KDM5C: variants seen among roughly 807,000 people sequenced by gnomAD.
The protein encoded by KDM5C is lysine-specific demethylase 5C.
A neutral mutation model predicts 110.6 loss-of-function variants in KDM5C; 16 were observed. That is an observed-to-expected ratio of 0.14 (90% CI 0.10 to 0.22). The LOEUF (loss-of-function observed/expected upper bound fraction) is 0.22. KDM5C is among the 10% of genes least tolerant of loss of function. The pLI, the probability that KDM5C is intolerant of heterozygous loss-of-function variation, is 1.00. For synonymous variants in KDM5C, 511 were observed against 520.4 expected (o/e 0.98, Z 0.24); for missense variants, 681 against 1,300.9 (o/e 0.52, Z 7.33).
In KDM5C at chrX:53,192,871, C is replaced by CCCCCCCCCCCCCCCCCCCCAAA; in HGVS notation, c.*95_*96insTTTGGGGGGGGGGGGGGGGGGG. 1.5e-6 allele frequency: 1 copy of CCCCCCCCCCCCCCCCCCCCAAA among 666,329 alleles called. No homozygotes were observed. The highest frequency in any genetic ancestry group is 2.1e-6 in the Non-Finnish European group (1 of 486,579). The allele number at this position is 666,329 out of a possible 1,213,427, so 54.9% of individuals were successfully genotyped here. ...GTAGCAGGGATGGCCACCCCCCTAC[C>CCCCCCCCCCCCCCCCCCCCAAA]CGCCCACCCCCCAAGAAGCAGGCTT... On this transcript the variant is annotated 3_prime_UTR_variant, in exon 26 of 26. Transcript: ENST00000375401.
Position 53,192,704 on chromosome X carries a change from C to CATCT in KDM5C, c.*259_*262dup, listed in dbSNP as rs1225443658. 1.9e-5 allele frequency: 22 copies of CATCT among 1,152,277 alleles called. No individual in the cohort carries two copies. Among genetic ancestry groups the CATCT allele is most frequent in the Non-Finnish European group, 2.5e-5 (22 of 863,818 alleles). 95.0% of individuals were successfully genotyped at this position (1,152,277 alleles called of 1,213,427 possible). A position where few individuals can be genotyped will look rare whatever the true frequency, so the allele number is the denominator to read the frequency against. On this transcript the variant is annotated 3_prime_UTR_variant, in exon 26 of 26. Coordinates refer to ENST00000375401, the MANE Select transcript of KDM5C (RefSeq NM_004187.5). The stretch of plus-strand genomic sequence containing the variant: ...CCACCCCCCTGCCCACCAGCCCATC[C>CATCT]ATCTATCTGCCTCAGGTGTCTGGGA...
chrX:53,187,032 T>C (rs1934239235), downstream of KDM5C, among the ~76,000 whole-genome samples: 1 of 112,046 alleles, frequency 8.9e-6, no homozygotes, highest in African/African-American at 3.2e-5. Context: ...AGGTGTCCTG[T>C]TCTGTGATGT....
chrX:53,190,683 T>TA (rs1328498961), downstream of KDM5C, among the ~76,000 whole-genome samples: 1 of 111,636 alleles, frequency 9.0e-6, no homozygotes, highest in African/African-American at 3.3e-5. Context: ...TCTCTCTCCT[T>TA]ACTTGTATAG....
intron 2 of KDM5C, 137 bp from the exon 3 acceptor site, chrX:53,218,535 C>T: frequency 1.3e-6 from 1 of 747,114 alleles, no homozygotes. Flanking sequence ...TGAACCGGAT[C>T]CCAGACTCTA....
Position 53,195,997 on chromosome X carries a change from A to G in KDM5C, c.3039T>C (p.Pro1013=), listed in dbSNP as rs1556836436. Residue 1013 remains proline, a synonymous_variant, in exon 20 of 26, where the codon CCT becomes CCC. Transcript: ENST00000375401. The stretch of plus-strand genomic sequence containing the variant: ...GAGCCTGGATGTTGGGCAGGTGAAC[A>G]GGGATGTTTTCCGCTTCACGGATTA... The part of the protein sequence containing the change: ...EAIIREAENI[P]VHLPNIQALK... The G allele has an allele frequency of 5.0e-6, 6 of 1,211,776 alleles. No individual in the cohort carries two copies. The highest frequency in any genetic ancestry group is 6.7e-6 in the Non-Finnish European group (6 of 895,239).
rs782738354 is a variant in KDM5C at position 53,217,909 on chromosome X, C to T, written c.409G>A (p.Val137Ile). 1.7e-6 allele frequency: 2 copies of T among 1,210,404 alleles called. No individual in the cohort carries two copies. Among genetic ancestry groups the T allele is most frequent in the Admixed American group, 4.3e-5 (2 of 46,018 alleles). Residue 137 changes from valine to isoleucine, a missense_variant, in exon 4 of 26, where the codon GTA becomes ATA. Transcript: ENST00000375401. Reference sequence around the variant, plus strand: ...GGTGGATAGTTGAGGCGCTGGGCTACCCGAGCCCACCGACGGTCCTTGCAG... The same window carrying T: ...GGTGGATAGTTGAGGCGCTGGGCTATCCGAGCCCACCGACGGTCCTTGCAG... ...AICKDRRWARVAQRLNYPPGK... is the reference protein window; with the variant it reads ...AICKDRRWARIAQRLNYPPGK...
chrX:53,205,626 A>G (rs1199085120), intron 12 of KDM5C, among the ~76,000 whole-genome samples: 4 of 112,288 alleles, frequency 3.6e-5, no homozygotes, highest in African/African-American at 1.3e-4. Flanking sequence ...CACTGCTCCT[A>G]CAAAACCTTT....
rs1556833839 is a variant in KDM5C, at chrX:53,194,214, A to G, written c.3963T>C (p.Pro1321=). 8.3e-7 allele frequency: 1 copy of G among 1,210,158 alleles called. No individual in the cohort carries two copies. The highest frequency in any genetic ancestry group is 1.7e-5 in the African/African-American group (1 of 57,426). ...LRQRLQAEPR[P]EEPPNYPAAP... is the part of the protein sequence containing the mutation. ...CTGCAGGGTAGTTAGGAGGCTCCTC[A>G]GGTCTAGGTTCAGCCTGTAGCCGTT... is the stretch of plus-strand genomic sequence containing the variant. Residue 1321 remains proline (P), a synonymous_variant, in exon 23 of 26, where the codon CCT becomes CCC. Coordinates refer to ENST00000375401, the MANE Select transcript of KDM5C (RefSeq NM_004187.5).
At chrX:53,206,016 T>C (rs1556845013) in intron 12 of KDM5C, among the ~76,000 whole-genome samples, 1 of 112,343 alleles carries the variant, frequency 8.9e-6, no homozygotes, top group Non-Finnish European at 1.9e-5. Context: ...AATGTCACTT[T>C]ACTATTTCCT....
chrX:53,218,706 G>T (rs2073817742), intron 2 of KDM5C: 1 of 391,251 alleles, frequency 2.6e-6, no homozygotes, highest in African/African-American at 2.5e-5. Context: ...CTCCTGAGTA[G>T]CTGGAACTAT....
intron 1 of KDM5C, among the ~76,000 whole-genome samples, chrX:53,222,117 C>T (rs1376092476): frequency 1.8e-5 from 2 of 111,085 alleles, no homozygotes; most frequent in African/African-American, 6.6e-5. Flanking sequence ...CAAGAACCCA[C>T]GTCTTCTGAC....
chrX:53,200,387 G>A (rs1397067753), intron 14 of KDM5C, among the ~76,000 whole-genome samples: 1 of 111,636 alleles, frequency 9.0e-6, no homozygotes, highest in African/African-American at 3.3e-5. Flanking sequence ...AGACTATGGT[G>A]TCCAGAATGC....
At chrX:53,195,208 T>C (rs368155745) in intron 21 of KDM5C, 23 bp downstream of exon 21, 11 of 1,191,790 alleles carry the variant, frequency 9.2e-6, no homozygotes, top group Non-Finnish European at 1.1e-5. Flanking sequence ...AGAGACGCTG[T>C]AGGTCAAGGT....
chrX:53,220,787 G>T, intron 2 of KDM5C, 52 bp downstream of exon 2: 2 of 1,010,938 alleles, frequency 2.0e-6, no homozygotes, highest in Non-Finnish European at 2.8e-6. Context: ...AGTGGGATTA[G>T]AACTCAGGTA....
chrX:53,196,880 T>C lies in KDM5C; in HGVS notation c.2787A>G (p.Arg929=), dbSNP rs1271362228. Residue 929 remains arginine, a synonymous_variant, in exon 19 of 26, where the codon CGA becomes CGG. Coordinates refer to ENST00000375401, the MANE Select transcript of KDM5C (RefSeq NM_004187.5). ...GTGTGCGTTTCACCTCATCCAGCCA[T>C]CGCGCCTGTTCCACCTGCCGCTGGA... ...QQLQRQVEQA[R]WLDEVKRTLA... 1.7e-6 allele frequency: 2 copies of C among 1,200,293 alleles called. No homozygotes were observed. The highest frequency in any genetic ancestry group is 3.0e-5 in the East Asian group (1 of 33,141).
intron 1 of KDM5C, among the ~76,000 whole-genome samples, 197 bp downstream of exon 1, chrX:53,224,543 C>A (rs2073986766): frequency 9.0e-6 from 1 of 111,280 alleles, no homozygotes; most frequent in Non-Finnish European, 1.9e-5. Context: ...GGATCTCTGA[C>A]TCCAGGTCAC....
rs781945536 is a variant in KDM5C, at chrX:53,207,968, CAAAAAAA to C, written c.1746+2439_1746+2445del. Among the ~76,000 whole-genome samples the C allele has an allele frequency of 5.6e-4, 17 of 30,588 alleles. No individual in the cohort carries two copies. In the East Asian group the frequency reaches 0.012, roughly 22 times the overall value. 26.6% of individuals were successfully genotyped at this position (30,588 alleles called of 115,157 possible). On this transcript the variant is annotated intron_variant, in intron 12 of 25. Coordinates refer to ENST00000375401, the MANE Select transcript of KDM5C (RefSeq NM_004187.5). ...TGGGTGACAGAGCGAGACTCTGTCT[CAAAAAAA>C]AAAAAAAAAAAAAAAGAAAAGAAAA... is the stretch of plus-strand genomic sequence containing the variant.
At chrX:53,183,772 AC>A (rs1384719071) in intron 25 of KDM5C, among the ~76,000 whole-genome samples, 1 of 110,232 alleles carries the variant, frequency 9.1e-6, no homozygotes. Flanking sequence ...CGGGGGTTTC[AC>A]CATGTTGGCC....
rs1556824797 is a variant in KDM5C, at chrX:53,178,229, TTA to T, written c.4309-1609_4309-1608del. 7.0e-4 allele frequency among the ~76,000 whole-genome samples: 79 copies of T among 112,302 alleles called. 1 individual carries two copies. Among genetic ancestry groups the T allele is most frequent in the Non-Finnish European group, 9.6e-4 (51 of 53,325 alleles). On this transcript the variant is annotated intron_variant, in intron 25 of 25. Coordinates refer to the KDM5C transcript ENST00000685641. ...GAAATGTGTTCAATATGTCTATATC[TTA>T]GAACCTCTGCAACTCAATGTTTTCT...
Sources: gnomAD v4.1 joint callset for allele counts (sites outside exome capture counted in the v4.1 genomes callset) on GRCh38, gnomAD v4.1.1 for gene constraint, MANE v1.5 for transcripts, NCBI Gene and HGNC (gene_info 2026-07-23, HGNC 2026-07-21) for gene names.